ERBB4: variants seen among roughly 807,000 people sequenced by gnomAD.
ERBB4 encodes receptor tyrosine-protein kinase erbB-4.
ERBB4 carries 42 observed loss-of-function variants against 158.0 expected under a neutral mutation model. The observed-to-expected ratio is 0.27, with a 90% CI of 0.21 to 0.34. ERBB4 has a LOEUF of 0.34. Ranked by LOEUF, ERBB4 falls within the 10% of genes least tolerant of loss-of-function variation. The pLI is 1.00. For missense variants in ERBB4, 1,333 were observed against 1,624.1 expected, an observed-to-expected ratio of 0.82 and a Z score of 3.08; for synonymous variants, 583 against 558.7, an observed-to-expected ratio of 1.04 and a Z score of -0.61.
chr2:212,380,599 A>T (rs1422541550), intron 1 of ERBB4, among the ~76,000 whole-genome samples: 1 of 151,040 alleles, frequency 6.6e-6, no homozygotes, highest in Admixed American at 6.6e-5. Context: ...TTGATAAAAA[A>T]TACACTTAAG....
At chr2:212,137,013 A>T (rs1367256962) in intron 1 of ERBB4, among the ~76,000 whole-genome samples, 3 of 151,988 alleles carry the variant, frequency 2.0e-5, no homozygotes, top group African/African-American at 7.2e-5. Context: ...ATATTATTAT[A>T]ATTTATTTTA....
intron 25 of ERBB4, among the ~76,000 whole-genome samples, chr2:211,414,750 C>T (rs960989472): frequency 1.3e-5 from 2 of 151,968 alleles, no homozygotes; most frequent in African/African-American, 2.4e-5. Context: ...GAGAAGTCTC[C>T]CTCCTCCATC....
At chr2:212,123,865 C>T (rs1361177396) in intron 2 of ERBB4, among the ~76,000 whole-genome samples, 1 of 152,042 alleles carries the variant, frequency 6.6e-6, no homozygotes, top group East Asian at 1.9e-4. Context: ...AAACATTTAA[C>T]CTAAATGTAT....
chr2:212,297,113 C>G (rs1345849552), intron 1 of ERBB4, among the ~76,000 whole-genome samples: 2 of 151,956 alleles, frequency 1.3e-5, no homozygotes. Context: ...TTATTCACAT[C>G]TGAGTACAAA....
At position 211,827,186 on chromosome 2, in the gene ERBB4, T is replaced by A. The variant is rs532857677; in HGVS notation, c.422-39027A>T. Among the ~76,000 whole-genome samples the A allele has an allele frequency of 2.6e-5, 4 of 152,140 alleles. No individual in the cohort carries two copies. The East Asian group carries it at 7.7e-4, about 29-fold the overall frequency. On this transcript the variant is annotated intron_variant, in intron 3 of 27. Coordinates refer to ENST00000342788, the MANE Select transcript of ERBB4 (RefSeq NM_005235.3). ...CATGCTCTATCCGAAAATGACTTTC[T>A]ACCCATGTTGAGTGTACCCTCTTCT...
intron 2 of ERBB4, among the ~76,000 whole-genome samples, chr2:212,049,081 A>G (rs991137238): frequency 7.2e-5 from 11 of 152,238 alleles, no homozygotes; most frequent in African/African-American, 2.7e-4. Flanking sequence ...CAGTTTAAAC[A>G]GATGCGTGTT....
intron 1 of ERBB4, among the ~76,000 whole-genome samples, chr2:212,482,481 A>G (rs72935362): frequency 0.013 from 2,039 of 152,336 alleles, 22 homozygotes; most frequent in Non-Finnish European, 0.021. Flanking sequence ...GAATTTTATT[A>G]TTTTACAAAT....
At chr2:212,114,419 T>C (rs1226689598) in intron 2 of ERBB4, among the ~76,000 whole-genome samples, 1 of 152,156 alleles carries the variant, frequency 6.6e-6, no homozygotes, top group South Asian at 2.1e-4. Context: ...AATTGAAAGA[T>C]GGCCAGTGAG....
At position 212,080,023 on chromosome 2, in the gene ERBB4, A is replaced by AT. The variant is rs1459475726; in HGVS notation, c.234+44728dup. ...ATCATAAAAGGAAGGAGCTCCTCAC[A>AT]TAAAAAAAAATTAACAGAAATCAGC... On this transcript the variant is annotated intron_variant, in intron 2 of 27. Transcript: ENST00000342788. Among the ~76,000 whole-genome samples the AT allele has an allele frequency of 7.2e-5, 11 of 152,060 alleles. No individual in the cohort carries two copies. The South Asian group carries it at 1.9e-3, about 26-fold the overall frequency.
chr2:211,514,568 TACTC>T (rs1368680669), intron 20 of ERBB4, among the ~76,000 whole-genome samples: 5 of 152,180 alleles, frequency 3.3e-5, no homozygotes, highest in African/African-American at 1.2e-4. Flanking sequence ...TTCATGCACT[TACTC>T]AGTAAACATT....
intron 19 of ERBB4, among the ~76,000 whole-genome samples, chr2:211,582,504 T>C (rs948124315): frequency 6.6e-6 from 1 of 152,162 alleles, no homozygotes; most frequent in Admixed American, 6.5e-5. Flanking sequence ...TTTTGAAAGT[T>C]AAAAAATAAA....
chr2:212,074,770 G>A (rs1372624224), intron 2 of ERBB4, among the ~76,000 whole-genome samples: 1 of 151,920 alleles, frequency 6.6e-6, no homozygotes, highest in Admixed American at 6.6e-5. Flanking sequence ...CGTTCTGGGA[G>A]GGTTCCAGGA....
intron 20 of ERBB4, among the ~76,000 whole-genome samples, chr2:211,524,639 C>T (rs2066288957): frequency 6.0e-5 from 1 of 16,690 alleles, no homozygotes; most frequent in Non-Finnish European, 1.0e-4. Context: ...CCCCTCATTG[C>T]CCGGGGCCGG....
chr2:212,528,217 T>A (rs143316456), intron 1 of ERBB4, among the ~76,000 whole-genome samples: 1 of 152,044 alleles, frequency 6.6e-6, no homozygotes, highest in Non-Finnish European at 1.5e-5. Flanking sequence ...ATGCTAAGCA[T>A]CCCTTTCTTG....
At chr2:212,215,595 G>A (rs1270336008) in intron 1 of ERBB4, among the ~76,000 whole-genome samples, 6 of 151,128 alleles carry the variant, frequency 4.0e-5, no homozygotes, top group African/African-American at 1.5e-4. Flanking sequence ...TAGTTTTTGT[G>A]TTTTTATAGT....
At chr2:211,693,478 G>A (rs2072897686) in intron 12 of ERBB4, among the ~76,000 whole-genome samples, 1 of 151,986 alleles carries the variant, frequency 6.6e-6, no homozygotes, top group Non-Finnish European at 1.5e-5. Context: ...ATGGTTTTAA[G>A]CTATTCAATT....
At chr2:212,000,756 TA>T (rs1244383016) in intron 2 of ERBB4, among the ~76,000 whole-genome samples, 1 of 151,876 alleles carries the variant, frequency 6.6e-6, no homozygotes, top group African/African-American at 2.4e-5. Context: ...TATAATTAGA[TA>T]GAATCATGTA....
At chr2:212,183,569 A>G (rs1357439761) in intron 1 of ERBB4, among the ~76,000 whole-genome samples, 1 of 152,078 alleles carries the variant, frequency 6.6e-6, no homozygotes, top group Admixed American at 6.6e-5. Context: ...GAATTTTGAA[A>G]GGAATGTAAT....
chr2:212,252,109 C>T (rs927031468), intron 1 of ERBB4, among the ~76,000 whole-genome samples: 3 of 152,018 alleles, frequency 2.0e-5, no homozygotes, highest in East Asian at 1.9e-4. Flanking sequence ...GTCAAAGATA[C>T]GTTCCAGGTG....
Sources: gnomAD v4.1 joint callset for allele counts (sites outside exome capture counted in the v4.1 genomes callset) on GRCh38, gnomAD v4.1.1 for gene constraint, MANE v1.5 for transcripts, NCBI Gene and HGNC (gene_info 2026-07-23, HGNC 2026-07-21) for gene names.